The following C3orf33 variants were observed in gnomAD, a reference collection of about 807,000 sequenced individuals.
C3orf33 encodes the protein AP-1 activity suppressor.
Under a neutral mutation model 28.7 loss-of-function variants are expected in C3orf33, and 23 were observed. The ratio of observed to expected loss-of-function variants is 0.80; its 90% CI spans 0.58 to 1.13. The LOEUF (loss-of-function observed/expected upper bound fraction) is 1.13. C3orf33 is among the 50% of genes most tolerant of loss of function. The pLI is 0.00. For synonymous variants in C3orf33, 119 were observed against 120.5 expected, an observed-to-expected ratio of 0.99 and a Z score of 0.08; for missense variants, 327 against 353.4, an observed-to-expected ratio of 0.93 and a Z score of 0.60.
At chr3:155,780,519 C>CT (rs1750887021) in intron 2 of C3orf33, among the ~76,000 whole-genome samples, 1 of 152,182 alleles carries the variant, frequency 6.6e-6, no homozygotes, top group Non-Finnish European at 1.5e-5. Context: ...ACTCAATAAT[C>CT]TTCTTTTATT....
intron 4 of C3orf33, 52 bp downstream of exon 4, chr3:155,767,457 A>G (rs1750444436): frequency 3.8e-6 from 5 of 1,314,050 alleles, no homozygotes; most frequent in South Asian, 4.0e-5. Flanking sequence ...GTGTTTACAT[A>G]TAAGTAATAA....
chr3:155,795,639 A>C (rs901561981), intron 2 of C3orf33, among the ~76,000 whole-genome samples: 1 of 152,100 alleles, frequency 6.6e-6, no homozygotes, highest in Non-Finnish European at 1.5e-5. Context: ...ATTAAGAAAG[A>C]AATTTAAAAA....
chr3:155,792,454 C>T (rs971594159), intron 2 of C3orf33, among the ~76,000 whole-genome samples: 6 of 151,990 alleles, frequency 3.9e-5, no homozygotes, highest in African/African-American at 1.4e-4. Flanking sequence ...CAAGAATATA[C>T]ATGAAAACAT....
chr3:155,774,783 T>C (rs1750691876), intron 3 of C3orf33, among the ~76,000 whole-genome samples: 2 of 151,558 alleles, frequency 1.3e-5, no homozygotes, highest in African/African-American at 2.4e-5. Flanking sequence ...TGGATACCCC[T>C]GTCTTACACC....
At position 155,767,463 on chromosome 3, in the gene C3orf33, A is replaced by G. The variant is rs1012599115; in HGVS notation, c.483+46T>C. On this transcript the variant is annotated intron_variant, in intron 4 of 4. Coordinates refer to ENST00000340171, the MANE Select transcript of C3orf33 (RefSeq NM_001308229.2). Reference sequence around the variant, plus strand: ...ATTAAATAAGTGTTTACATATAAGTAATAAGAAGAATAAGATATTGCTAGT... The same window carrying G: ...ATTAAATAAGTGTTTACATATAAGTGATAAGAAGAATAAGATATTGCTAGT... 3 of 1,337,650 alleles carry G rather than the reference A, an allele frequency of 2.2e-6. No individual in the cohort carries two copies. In the East Asian group the frequency reaches 7.7e-5, roughly 34 times the overall value. 82.9% of individuals were successfully genotyped at this position (1,337,650 alleles called of 1,614,324 possible). A position where few individuals can be genotyped will look rare whatever the true frequency, so the allele number is the denominator to read the frequency against.
intron 2 of C3orf33, among the ~76,000 whole-genome samples, chr3:155,794,332 GATA>G (rs1200923662): frequency 6.6e-6 from 1 of 151,850 alleles, no homozygotes; most frequent in Non-Finnish European, 1.5e-5. Flanking sequence ...AATAACAGGT[GATA>G]AGATATTTGC....
At chr3:155,804,471 G>A (rs1751757200) in intron 1 of C3orf33, among the ~76,000 whole-genome samples, 1 of 152,206 alleles carries the variant, frequency 6.6e-6, no homozygotes, top group Admixed American at 6.5e-5. Context: ...GGGCTACAAT[G>A]ATGAGTGAAA....
chr3:155,790,831 C>T (rs1751293084), intron 2 of C3orf33, among the ~76,000 whole-genome samples: 1 of 152,178 alleles, frequency 6.6e-6, no homozygotes, highest in South Asian at 2.1e-4. Flanking sequence ...GTCCTTCAAG[C>T]CTCACCACCA....
intron 2 of C3orf33, among the ~76,000 whole-genome samples, chr3:155,792,393 T>A (rs1056381407): frequency 6.6e-6 from 1 of 152,004 alleles, no homozygotes; most frequent in Non-Finnish European, 1.5e-5. Context: ...CTATGAAGAC[T>A]ATAATAAATA....
At chr3:155,787,289 G>C (rs989467220) in intron 2 of C3orf33, among the ~76,000 whole-genome samples, 7 of 151,140 alleles carry the variant, frequency 4.6e-5, no homozygotes, top group Non-Finnish European at 7.4e-5. Flanking sequence ...GCCTTGACCT[G>C]CTGGGCTCAA....
chr3:155,773,688 A>G (rs1337219589), intron 3 of C3orf33, among the ~76,000 whole-genome samples: 2 of 152,228 alleles, frequency 1.3e-5, no homozygotes, highest in Non-Finnish European at 2.9e-5. Flanking sequence ...TGATTTCAGG[A>G]GGCAGATTTC....
chr3:155,798,538 A>G (rs913107269), intron 2 of C3orf33, among the ~76,000 whole-genome samples: 7 of 152,208 alleles, frequency 4.6e-5, no homozygotes, highest in African/African-American at 1.7e-4. Flanking sequence ...TCTCTTTGAT[A>G]ACTGATGCTG....
At chr3:155,801,955 TTGGCCAGGC>T (rs1436790375) in intron 2 of C3orf33, among the ~76,000 whole-genome samples, 5 of 152,166 alleles carry the variant, frequency 3.3e-5, no homozygotes, top group Admixed American at 2.6e-4. Context: ...TTTCATCATG[TTGGCCAGGC>T]TGGTCTCGAA....
At chr3:155,778,001 T>A (rs1750799869) in intron 2 of C3orf33, among the ~76,000 whole-genome samples, 1 of 151,942 alleles carries the variant, frequency 6.6e-6, no homozygotes, top group Non-Finnish European at 1.5e-5. Flanking sequence ...AATACAAAAA[T>A]TAGCTGGGCA....
intron 2 of C3orf33, among the ~76,000 whole-genome samples, chr3:155,793,809 CAAAAAAAA>C (rs1176317323): frequency 2.7e-5 from 1 of 37,484 alleles, no homozygotes; most frequent in African/African-American, 7.2e-5. Flanking sequence ...GACTCTGACT[CAAAAAAAA>C]AAAAAAAAAA....
At chr3:155,804,655 T>G (rs970959607) in intron 1 of C3orf33, among the ~76,000 whole-genome samples, 1 of 152,226 alleles carries the variant, frequency 6.6e-6, no homozygotes, top group Non-Finnish European at 1.5e-5. Context: ...ACTGTCTGCT[T>G]CTTCTTAGTC....
intron 1 of C3orf33, among the ~76,000 whole-genome samples, chr3:155,805,158 TAAAAAAAA>T (rs57906262): frequency 0.67 from 94,525 of 141,760 alleles, 30,740 homozygotes; most frequent in East Asian, 0.84. Flanking sequence ...GTGCTTCACT[TAAAAAAAA>T]AAAAAAAAAA....
At chr3:155,767,360 G>A (rs1056906936) in intron 4 of C3orf33, 149 bp downstream of exon 4, 1 of 412,136 alleles carries the variant, frequency 2.4e-6, no homozygotes, top group East Asian at 3.7e-5. Flanking sequence ...TTGTATACAA[G>A]ACACCTATGC....
chr3:155,765,613 T>G (rs1383222085), intron 4 of C3orf33, among the ~76,000 whole-genome samples: 1 of 152,234 alleles, frequency 6.6e-6, no homozygotes, highest in Non-Finnish European at 1.5e-5. Flanking sequence ...AGTGGCACGA[T>G]CTCGGCTTAC....
Sources: gnomAD v4.1 joint callset for allele counts (sites outside exome capture counted in the v4.1 genomes callset) on GRCh38, gnomAD v4.1.1 for gene constraint, MANE v1.5 for transcripts, NCBI Gene and HGNC (gene_info 2026-07-23, HGNC 2026-07-21) for gene names.